The following COL4A4 variants were observed in gnomAD, a reference collection of about 807,000 sequenced individuals.
COL4A4 encodes collagen type IV alpha 4 chain.
A neutral mutation model predicts 192.9 loss-of-function variants in COL4A4; 105 were observed. The observed-to-expected ratio is 0.54, with a 90% confidence interval of 0.46 to 0.64. COL4A4 has a LOEUF of 0.64. Ranked by LOEUF, COL4A4 falls within the 30% of genes least tolerant of loss-of-function variation. The pLI is 0.00. For synonymous variants in COL4A4, 762 were observed against 769.9 expected (o/e 0.99, Z 0.17); for missense variants, 1,967 against 2,169.3 (o/e 0.91, Z 1.85).
At chr2:227,102,008 A>G in intron 15 of COL4A4, 99 bp from the exon 16 acceptor site, 1 of 834,644 alleles carries the variant, frequency 1.2e-6, no homozygotes, top group Non-Finnish European at 1.9e-6. Context: ...TTCCATGGAT[A>G]TTTGGTCCTG....
chr2:227,107,906 C>CCT (rs2060952321), intron 12 of COL4A4, among the ~76,000 whole-genome samples: 1 of 151,904 alleles, frequency 6.6e-6, no homozygotes, highest in Non-Finnish European at 1.5e-5. Context: ...TACAGGCACG[C>CCT]ACCACCACGC....
chr2:227,145,028 G>A (rs2063456912), intron 2 of COL4A4, among the ~76,000 whole-genome samples: 1 of 152,110 alleles, frequency 6.6e-6, no homozygotes, highest in Non-Finnish European at 1.5e-5. Flanking sequence ...GGAGAAAAAA[G>A]GAAATAATAT....
chr2:227,110,429 G>A (rs1360928461), intron 9 of COL4A4, among the ~76,000 whole-genome samples: 1 of 152,182 alleles, frequency 6.6e-6, no homozygotes, highest in East Asian at 1.9e-4. Context: ...TGTCGCCCAG[G>A]CTGGAGTGCA....
chr2:227,157,085 A>G (rs2125512452), intron 1 of COL4A4, among the ~76,000 whole-genome samples: 1 of 152,314 alleles, frequency 6.6e-6, no homozygotes. Context: ...ATGCTGGATC[A>G]TAAAACAAGT....
intron 1 of COL4A4, among the ~76,000 whole-genome samples, chr2:227,162,165 C>T (rs577777434): frequency 6.6e-6 from 1 of 152,302 alleles, no homozygotes; most frequent in East Asian, 1.9e-4. Flanking sequence ...CCAGCATTGC[C>T]TCTTTCTTGC....
At chr2:227,009,217 C>T (rs1962928774) in intron 46 of COL4A4, among the ~76,000 whole-genome samples, 1 of 152,218 alleles carries the variant, frequency 6.6e-6, no homozygotes, top group South Asian at 2.1e-4. Flanking sequence ...CTTTGACTAC[C>T]CTTTTTAACA....
intron 9 of COL4A4, among the ~76,000 whole-genome samples, chr2:227,110,833 C>G (rs1013027770): frequency 2.0e-5 from 3 of 151,848 alleles, no homozygotes; most frequent in African/African-American, 7.3e-5. Flanking sequence ...TAGGTACGCG[C>G]CACCACGCCT....
intron 6 of COL4A4, 104 bp downstream of exon 6, chr2:227,119,791 T>A (rs2061681720): frequency 1.9e-6 from 1 of 519,872 alleles, no homozygotes; most frequent in Non-Finnish European, 3.2e-6. Context: ...TATATTGTGG[T>A]TTCTATAAAT....
Position 227,103,155 on chromosome 2 carries a change from G to A in COL4A4, c.859C>T (p.Pro287Ser). ...IPGMVGLPGP[P>S]GRKGESGIGA... ...CTTAAATAAACTACCTTGCGTCCTGGTGGTCCTGGCAGTCCAACCATTCCA... is the reference window on the plus strand; with the variant it reads ...CTTAAATAAACTACCTTGCGTCCTGATGGTCCTGGCAGTCCAACCATTCCA... Residue 287 changes from proline (P) to serine (S), a missense_variant, in exon 14 of 48, where the codon CCA becomes TCA. Coordinates refer to ENST00000396625, the MANE Select transcript of COL4A4 (RefSeq NM_000092.5). 2 of 1,610,768 alleles carry A rather than the reference G, an allele frequency of 1.2e-6. No homozygotes were observed. Among genetic ancestry groups the A allele is most frequent in the South Asian group, 2.2e-5 (2 of 89,748 alleles).
At chr2:227,134,917 G>A (rs1451205496) in intron 4 of COL4A4, among the ~76,000 whole-genome samples, 2 of 152,158 alleles carry the variant, frequency 1.3e-5, no homozygotes, top group Non-Finnish European at 2.9e-5. Flanking sequence ...AAAAAACTGT[G>A]GACAGTGTCT....
chr2:226,980,897 T>C, the COL4A4 span, among the ~76,000 whole-genome samples: 1 of 152,216 alleles, frequency 6.6e-6, no homozygotes, highest in African/African-American at 2.4e-5. Context: ...TTAATAGGCA[T>C]GTAGGAATAA....
intron 4 of COL4A4, among the ~76,000 whole-genome samples, chr2:227,131,901 G>A (rs1013836766): frequency 2.0e-5 from 3 of 152,216 alleles, no homozygotes; most frequent in African/African-American, 7.2e-5. Flanking sequence ...GACACCAGAA[G>A]GAGTGGAAGG....
At chr2:227,012,471 C>A (rs925110978) in intron 44 of COL4A4, among the ~76,000 whole-genome samples, 174 bp from the exon 45 acceptor site, 19 of 151,992 alleles carry the variant, frequency 1.3e-4, no homozygotes, top group Admixed American at 2.6e-4. Context: ...TTTACTATCT[C>A]CACTTGCAGT....
rs1559488075 is a variant in COL4A4 at position 227,045,848 on chromosome 2, A to AG, written c.3289+1626_3289+1627insC. Among the ~76,000 whole-genome samples, 38 of 65,896 alleles carry AG rather than the reference A, an allele frequency of 5.8e-4. 3 individuals carry two copies. The highest frequency in any genetic ancestry group is 1.9e-3 in the South Asian group (3 of 1,566). The allele number at this position is 65,896 out of a possible 152,430, so 43.2% of individuals were successfully genotyped here. On this transcript the variant is annotated intron_variant, in intron 35 of 47. Coordinates refer to ENST00000396625, the MANE Select transcript of COL4A4 (RefSeq NM_000092.5). ...TATATATATACACACATATATATATACACATATATATATACACATATATAT... is the reference window on the plus strand; with the variant it reads ...TATATATATACACACATATATATATAGCACATATATATATACACATATATAT...
At chr2:227,073,536 A>G (rs2058839617) in intron 25 of COL4A4, among the ~76,000 whole-genome samples, 1 of 152,142 alleles carries the variant, frequency 6.6e-6, no homozygotes, top group African/African-American at 2.4e-5. Flanking sequence ...TAGAATTAGA[A>G]AAAACAATCC....
chr2:227,085,592 G>A (rs567727105), intron 22 of COL4A4, among the ~76,000 whole-genome samples: 13 of 152,166 alleles, frequency 8.5e-5, no homozygotes, highest in African/African-American at 1.2e-4. Flanking sequence ...CAATCATGGC[G>A]GAAGGTGAAG....
intron 25 of COL4A4, among the ~76,000 whole-genome samples, chr2:227,071,641 G>A (rs1274753896): frequency 6.6e-6 from 1 of 152,040 alleles, no homozygotes; most frequent in African/African-American, 2.4e-5. Context: ...TAGACCATAT[G>A]ACAGGCCACA....
chr2:226,991,004 G>T, the COL4A4 span, among the ~76,000 whole-genome samples: 115 of 152,256 alleles, frequency 7.6e-4, no homozygotes, highest in African/African-American at 2.6e-3. Context: ...TCACCCAGAG[G>T]CTCCTTCATG....
intron 4 of COL4A4, among the ~76,000 whole-genome samples, chr2:227,138,701 G>A (rs1457861034): frequency 1.3e-5 from 2 of 151,912 alleles, no homozygotes; most frequent in Non-Finnish European, 2.9e-5. Flanking sequence ...ATGTACTGAA[G>A]AAGGAACAAA....
Sources: gnomAD v4.1 joint callset for allele counts (sites outside exome capture counted in the v4.1 genomes callset) on GRCh38, gnomAD v4.1.1 for gene constraint, MANE v1.5 for transcripts, NCBI Gene and HGNC (gene_info 2026-07-23, HGNC 2026-07-21) for gene names.